Variants in PHKB observed in about 807,000 individuals in gnomAD.
The protein encoded by PHKB is phosphorylase kinase regulatory subunit beta, also known as phosphorylase b kinase regulatory subunit beta.
In PHKB, 122 loss-of-function variants were observed where a neutral mutation model predicts 152.1. The ratio of observed to expected loss-of-function variants is 0.80; its 90% confidence interval spans 0.69 to 0.93. PHKB has a LOEUF of 0.93. Ranked by LOEUF, PHKB falls within the 40% of genes least tolerant of loss-of-function variation. The probability of loss-of-function intolerance (pLI) is 0.00; values close to 1 mark genes in which losing one functional copy is unlikely to be tolerated. For synonymous variants in PHKB, 436 were observed against 464.9 expected (o/e 0.94, Z 0.80); for missense variants, 1,304 against 1,328.4 (o/e 0.98, Z 0.29).
rs1430045718 is a variant in PHKB at position 47,676,552 on chromosome 16, ACT to A, written c.2630+7142_2630+7143del. 7 of 151,522 alleles carry A rather than the reference ACT, an allele frequency of 4.6e-5. No individual in the cohort carries two copies. In the South Asian group the frequency reaches 1.5e-3, roughly 32 times the overall value. 9.4% of individuals were successfully genotyped at this position (151,522 alleles called of 1,614,324 possible). Reference sequence around the variant, plus strand: ...GTATACTTTTATCTCAGGTTTAACTACTCTCTCTTAGTGTTTTTTTAAATTTT... The same window carrying A: ...GTATACTTTTATCTCAGGTTTAACTACTCTCTTAGTGTTTTTTTAAATTTT... On this transcript the variant is annotated intron_variant, in intron 26 of 30. Coordinates refer to ENST00000323584, the MANE Select transcript of PHKB (RefSeq NM_000293.3).
chr16:47,673,018 C>T (rs1006540083), intron 26 of PHKB, among the ~76,000 whole-genome samples: 1 of 151,940 alleles, frequency 6.6e-6, no homozygotes, highest in African/African-American at 2.4e-5. Context: ...ATTCTCATTG[C>T]GAGTATTAAT....
chr16:47,568,693 T>A (rs1218828826), intron 7 of PHKB, among the ~76,000 whole-genome samples: 8 of 152,202 alleles, frequency 5.3e-5, no homozygotes, highest in Admixed American at 5.2e-4. Context: ...CTGCTTTTGC[T>A]GTATCCCAGG....
chr16:47,487,389 T>C (rs1284077190), intron 1 of PHKB, among the ~76,000 whole-genome samples: 1 of 149,664 alleles, frequency 6.7e-6, no homozygotes, highest in Non-Finnish European at 1.5e-5. Context: ...CTAGACCAAA[T>C]GTTATATTAT....
At chr16:47,518,316 T>C (rs1481728369) in intron 6 of PHKB, among the ~76,000 whole-genome samples, 1 of 152,210 alleles carries the variant, frequency 6.6e-6, no homozygotes, top group Non-Finnish European at 1.5e-5. Context: ...ATATAGGTAC[T>C]GCATTGTCTG....
intron 29 of PHKB, among the ~76,000 whole-genome samples, chr16:47,697,157 T>C (rs1337082994): frequency 1.3e-5 from 2 of 152,220 alleles, no homozygotes; most frequent in Non-Finnish European, 2.9e-5. Context: ...TTTGTCTCTT[T>C]CCCTGGGCAT....
At chr16:47,465,072 CTTAAG>C (rs1969644517) in intron 1 of PHKB, among the ~76,000 whole-genome samples, 1 of 151,704 alleles carries the variant, frequency 6.6e-6, no homozygotes, top group Non-Finnish European at 1.5e-5. Context: ...TAAGAAATAA[CTTAAG>C]GAAGAATCAA....
At chr16:47,542,064 C>G (rs1228513935) in intron 6 of PHKB, among the ~76,000 whole-genome samples, 1 of 152,108 alleles carries the variant, frequency 6.6e-6, no homozygotes, top group East Asian at 1.9e-4. Context: ...GTCATTAAGT[C>G]CTTGCCCATG....
intron 1 of PHKB, among the ~76,000 whole-genome samples, chr16:47,465,682 G>A (rs1240362328): frequency 6.6e-6 from 1 of 152,114 alleles, no homozygotes; most frequent in Non-Finnish European, 1.5e-5. Context: ...GCTGGTGTTA[G>A]GCTTAACTTT....
intron 1 of PHKB, among the ~76,000 whole-genome samples, chr16:47,478,127 ATC>A (rs1318774358): frequency 6.6e-6 from 1 of 152,202 alleles, no homozygotes; most frequent in African/African-American, 2.4e-5. Flanking sequence ...AGAGAAAAAA[ATC>A]TATGTTTTTA....
At chr16:47,526,128 A>G (rs1970762198) in intron 6 of PHKB, among the ~76,000 whole-genome samples, 1 of 152,120 alleles carries the variant, frequency 6.6e-6, no homozygotes, top group South Asian at 2.1e-4. Flanking sequence ...TGACTAGGCC[A>G]TCTGGGTGCG....
chr16:47,684,394 C>A (rs1973923370), intron 26 of PHKB, among the ~76,000 whole-genome samples: 1 of 152,148 alleles, frequency 6.6e-6, no homozygotes, highest in Admixed American at 6.5e-5. Flanking sequence ...TACTTTATTT[C>A]ATATTGTACT....
chr16:47,546,426 C>T (rs1053616927), intron 6 of PHKB, among the ~76,000 whole-genome samples: 3 of 152,194 alleles, frequency 2.0e-5, no homozygotes, highest in Non-Finnish European at 4.4e-5. Flanking sequence ...GGCTGCAGAA[C>T]AGCAAATATT....
chr16:47,475,164 A>C (rs1308851107), intron 1 of PHKB, among the ~76,000 whole-genome samples: 1 of 152,218 alleles, frequency 6.6e-6, no homozygotes, highest in Non-Finnish European at 1.5e-5. Flanking sequence ...AAGTTTTGTC[A>C]TGAATTTCCA....
chr16:47,463,469 G>T (rs1427035715), intron 1 of PHKB: 1 of 171,194 alleles, frequency 5.8e-6, no homozygotes, highest in African/African-American at 2.4e-5. Context: ...AATAACTCGA[G>T]TTAATAACTT....
chr16:47,550,146 T>C (rs1397686337), intron 7 of PHKB, among the ~76,000 whole-genome samples: 1 of 152,232 alleles, frequency 6.6e-6, no homozygotes, highest in East Asian at 1.9e-4. Context: ...CTATCACCTC[T>C]GATGTCCAAA....
At chr16:47,558,294 A>G (rs1367578544) in intron 7 of PHKB, among the ~76,000 whole-genome samples, 1 of 151,664 alleles carries the variant, frequency 6.6e-6, no homozygotes, top group African/African-American at 2.4e-5. Flanking sequence ...ATGACGAGTT[A>G]ATGGGTGCAG....
chr16:47,551,459 A>G (rs181330388), intron 7 of PHKB, among the ~76,000 whole-genome samples: 9 of 152,188 alleles, frequency 5.9e-5, no homozygotes, highest in Admixed American at 2.0e-4. Flanking sequence ...TTCTGCCTTC[A>G]TTTTGTAATT....
At chr16:47,497,577 A>T (rs748603970) in intron 2 of PHKB, 89 bp downstream of exon 2, 2 of 798,360 alleles carry the variant, frequency 2.5e-6, no homozygotes, top group Admixed American at 1.9e-5. Flanking sequence ...TATGTGGATG[A>T]TATTGTTCTG....
chr16:47,653,895 G>T (rs939352905), intron 20 of PHKB, among the ~76,000 whole-genome samples: 1 of 152,126 alleles, frequency 6.6e-6, no homozygotes, highest in Non-Finnish European at 1.5e-5. Context: ...AATTTCATAT[G>T]GTTAAGGACA....
Sources: allele counts gnomAD v4.1 joint callset (sites outside exome capture counted in the v4.1 genomes callset), GRCh38; gene constraint gnomAD v4.1.1; transcripts MANE v1.5; gene names NCBI Gene and HGNC (gene_info 2026-07-23, HGNC 2026-07-21).